ATMIN: variants seen among roughly 807,000 people sequenced by gnomAD.
ATMIN encodes ATM interactor.
Under a neutral mutation model 49.2 loss-of-function variants are expected in ATMIN, and 24 were observed. The observed-to-expected ratio is 0.49, with a 90% CI of 0.35 to 0.69. ATMIN has a LOEUF of 0.69. Among genes scored for constraint, ATMIN ranks in the 30% least tolerant of loss-of-function variants. The pLI is 0.00. For synonymous variants in ATMIN, 450 were observed against 392.5 expected, an observed-to-expected ratio of 1.15 and a Z score of -1.73; for missense variants, 1,037 against 1,005.5, an observed-to-expected ratio of 1.03 and a Z score of -0.42.
Position 81,044,697 on chromosome 16 carries a change from T to C in ATMIN, c.2199T>C (p.Thr733=), listed in dbSNP as rs748817309. Residue 733 remains threonine, a synonymous_variant, in exon 4 of 4, where the codon ACT becomes ACC. Transcript: ENST00000299575. ...AACACTCCAGCTTTTCCGTGAGTAC[T>C]GATTCATCTGACACAGAGACCCAAA... ...ILKHSSFSVS[T]DSSDTETQTE... The C allele has an allele frequency of 4.3e-6, 7 of 1,614,112 alleles. No individual in the cohort carries two copies. The Admixed American group carries it at 8.3e-5, about 19-fold the overall frequency.
At position 81,035,950 on chromosome 16, in the gene ATMIN, C is replaced by T. The variant is rs1307067491; in HGVS notation, c.80C>T (p.Thr27Ile). The change falls in exon 1 of 4, where the codon ACA becomes ATA. Residue 27 changes from threonine to isoleucine, a missense_variant. Physicochemically the swap from Thr to Ile is moderately conservative, Grantham distance 89. Coordinates refer to ENST00000299575, the MANE Select transcript of ATMIN (RefSeq NM_015251.3). ...GCCCGGGCCGTCCCGGCGGCCACGA[C>T]AGGAGCCGCCGCCGCCGCCTCGGGC... ...AGARAVPAAT[T>I]GAAAAASGPW... The T allele has an allele frequency of 8.9e-6, 9 of 1,016,472 alleles. No homozygotes were observed. Among genetic ancestry groups the T allele is most frequent in the Non-Finnish European group, 1.1e-5 (9 of 851,736 alleles). 63.0% of individuals were successfully genotyped at this position (1,016,472 alleles called of 1,614,324 possible).
Position 81,043,880 on chromosome 16 carries a change from C to T in ATMIN, c.1382C>T (p.Thr461Ile), listed in dbSNP as rs147920959. ...VSLPISVHTQ[T>I]FLPSSKVTSS... Reference sequence around the variant, plus strand: ...CTTCCCATTAGTGTTCACACTCAGACATTTTTGCCCAGCTCTAAGGTAACT... The same window carrying T: ...CTTCCCATTAGTGTTCACACTCAGATATTTTTGCCCAGCTCTAAGGTAACT... Residue 461 changes from threonine to isoleucine, a missense_variant, in exon 4 of 4, where the codon ACA becomes ATA. Physicochemically the swap from Thr to Ile is moderately conservative, Grantham distance 89 (BLOSUM62 -1). Coordinates refer to ENST00000299575, the MANE Select transcript of ATMIN (RefSeq NM_015251.3). The T allele has an allele frequency of 4.1e-4, 659 of 1,614,062 alleles. No individual in the cohort carries two copies. Among genetic ancestry groups the T allele is most frequent in the Non-Finnish European group, 5.2e-4 (608 of 1,180,044 alleles).
chr16:81,044,931 C>G lies in ATMIN; in HGVS notation c.2433C>G (p.Thr811=), dbSNP rs1400429985. ...AGTCTCAGTTCAGCTCTGTAGAAAC[C>G]CAGACTTCTGCGGAACCACACACAG... The part of the protein sequence containing the change: ...TMESQFSSVE[T]QTSAEPHTVS... Residue 811 remains threonine (T), a synonymous_variant, in exon 4 of 4, where the codon ACC becomes ACG. Coordinates refer to ENST00000299575, the MANE Select transcript of ATMIN (RefSeq NM_015251.3). The G allele has an allele frequency of 6.2e-7, 1 of 1,613,948 alleles. No individual in the cohort carries two copies. The highest frequency in any genetic ancestry group is 1.1e-5 in the South Asian group (1 of 91,068).
rs1414292993 is a variant in ATMIN at position 81,044,306 on chromosome 16, C to T, written c.1808C>T (p.Pro603Leu). 1.9e-6 allele frequency: 3 copies of T among 1,614,090 alleles called. No individual in the cohort carries two copies. Among genetic ancestry groups the T allele is most frequent in the Non-Finnish European group, 2.5e-6 (3 of 1,179,964 alleles). Residue 603 changes from proline (P) to leucine (L), a missense_variant, in exon 4 of 4, where the codon CCT becomes CTT. Coordinates refer to ENST00000299575, the MANE Select transcript of ATMIN (RefSeq NM_015251.3). ...DLENILSSNL[P>L]AQTLDHRSLL... ...GAAAACATCTTGTCAAGTAATCTGCCTGCTCAGACATTGGATCATCGTAGT... is the reference window on the plus strand; with the variant it reads ...GAAAACATCTTGTCAAGTAATCTGCTTGCTCAGACATTGGATCATCGTAGT...
intron 3 of ATMIN, among the ~76,000 whole-genome samples, chr16:81,042,703 C>T (rs1234435875): frequency 6.6e-6 from 1 of 152,222 alleles, no homozygotes; most frequent in African/African-American, 2.4e-5. Context: ...TGCCAGCCCT[C>T]TTTGAGAGTC....
At position 81,036,024 on chromosome 16, in the gene ATMIN, GC is replaced by G. The variant is rs1380050843; in HGVS notation, c.155del (p.Ala52GlyfsTer17). On this transcript the variant is annotated frameshift_variant, in exon 1 of 4. Transcript: ENST00000299575. LOFTEE classifies it high-confidence loss of function. Reference sequence around the variant, plus strand: ...ACTGAGGGGCAGCCGGCCGCGGCCCGCGGGGGCGACGCAGCAGCCCGCTGTC... The same window carrying G: ...ACTGAGGGGCAGCCGGCCGCGGCCCGGGGGGCGACGCAGCAGCCCGCTGTC... ...PRLRGSRPRP[A>X]GATQQPAVPA... 3 of 1,162,178 alleles carry G rather than the reference GC, an allele frequency of 2.6e-6. No homozygotes were observed. Among genetic ancestry groups the G allele is most frequent in the Non-Finnish European group, 3.2e-6 (3 of 942,564 alleles). 72.0% of individuals were successfully genotyped at this position (1,162,178 alleles called of 1,614,324 possible). A position where few individuals can be genotyped will look rare whatever the true frequency, so the allele number is the denominator to read the frequency against.
rs771380816 is a variant in ATMIN at position 81,047,302 on chromosome 16, CTCAT to C, written c.*2334_*2337del. On this transcript the variant is annotated 3_prime_UTR_variant, in exon 4 of 4. Transcript: ENST00000299575. Reference sequence around the variant, plus strand: ...CTTATTGTATTGCCTTAAGTTTTCACTCATTGTCTTTTGAAAGCCATATGATAAA... The same window carrying C: ...CTTATTGTATTGCCTTAAGTTTTCACTGTCTTTTGAAAGCCATATGATAAA... 6.6e-6 allele frequency: 1 copy of C among 152,174 alleles called. No homozygotes were observed. The highest frequency in any genetic ancestry group is 1.5e-5 in the Non-Finnish European group (1 of 68,026). The allele number at this position is 152,174 out of a possible 1,614,324, so 9.4% of individuals were successfully genotyped here.
rs755135104 is a variant in ATMIN, at chr16:81,043,541, T to G, written c.1043T>G (p.Val348Gly). The G allele has an allele frequency of 6.2e-6, 10 of 1,613,982 alleles. No homozygotes were observed. In the Admixed American group the frequency reaches 1.7e-4, roughly 27 times the overall value. The change falls in exon 4 of 4, where the codon GTA becomes GGA. Residue 348 changes from valine (V) to glycine (G), a missense_variant. Val to Gly is a moderately radical substitution (Grantham distance 109, BLOSUM62 -3). Coordinates refer to ENST00000299575, the MANE Select transcript of ATMIN (RefSeq NM_015251.3). ...GCTGTGCACTTAATGCCCTTGTCAG[T>G]AGGAACCCTGATCCTCGGCCTAGAT... Reference protein sequence around the residue: ...TGAVHLMPLSVGTLILGLDSE... With the variant: ...TGAVHLMPLSGGTLILGLDSE...
rs777108969 is a variant in ATMIN, at chr16:81,043,729, A to G, written c.1231A>G (p.Ile411Val). The G allele has an allele frequency of 5.4e-5, 87 of 1,614,102 alleles. No individual in the cohort carries two copies. Among genetic ancestry groups the G allele is most frequent in the African/African-American group, 1.3e-4 (10 of 74,936 alleles). ...NTCQKNSISS[I>V]NVQTDLSYAS... ...GTGTCAAAAGAATAGCATTTCTTCA[A>G]TCAACGTGCAGACAGATCTGTCTTA... The change falls in exon 4 of 4, where the codon ATC becomes GTC. Residue 411 changes from isoleucine (I) to valine (V), a missense_variant. Transcript: ENST00000299575.
chr16:81,043,710 A>G lies in ATMIN; in HGVS notation c.1212A>G (p.Gln404=), dbSNP rs750242188. ...TACAAGAACTAGGGAACACGTGTCAAAAGAATAGCATTTCTTCAATCAACG... is the reference window on the plus strand; with the variant it reads ...TACAAGAACTAGGGAACACGTGTCAGAAGAATAGCATTTCTTCAATCAACG... The part of the protein sequence containing the change: ...NPLQELGNTC[Q]KNSISSINVQ... The change falls in exon 4 of 4, where the codon CAA becomes CAG. Residue 404 remains glutamine, a synonymous_variant. Coordinates refer to ENST00000299575, the MANE Select transcript of ATMIN (RefSeq NM_015251.3). 20 of 1,614,148 alleles carry G rather than the reference A, an allele frequency of 1.2e-5. No individual in the cohort carries two copies. The Admixed American group carries it at 1.7e-4, about 13-fold the overall frequency.
intron 1 of ATMIN, among the ~76,000 whole-genome samples, chr16:81,039,748 C>A (rs1270767080): frequency 6.6e-6 from 1 of 152,146 alleles, no homozygotes; most frequent in African/African-American, 2.4e-5. Flanking sequence ...TCTTATCAAG[C>A]AACATTTATA....
rs768994313 is a variant in ATMIN at position 81,042,308 on chromosome 16, A to C, written c.490A>C (p.Lys164Gln). The change falls in exon 3 of 4, where the codon AAG (lysine) becomes CAG (glutamine). Residue 164 changes from lysine (K) to glutamine (Q), a missense_variant. Physicochemically the swap from Lys to Gln is moderately conservative, Grantham distance 53. Coordinates refer to ENST00000299575, the MANE Select transcript of ATMIN (RefSeq NM_015251.3). ...QHFMKMHAEK[K>Q]HKCSKCSNSY... is the part of the protein sequence containing the mutation. Reference sequence around the variant, plus strand: ...CTTTATGAAAATGCATGCTGAGAAGAAGCACAAATGTAGTAAGTGCAGCAA... The same window carrying C: ...CTTTATGAAAATGCATGCTGAGAAGCAGCACAAATGTAGTAAGTGCAGCAA... 1 of 1,613,728 alleles carries C rather than the reference A, an allele frequency of 6.2e-7. No homozygotes were observed. Among genetic ancestry groups the C allele is most frequent in the East Asian group, 2.2e-5 (1 of 44,886 alleles).
At chr16:81,041,327 A>T in intron 1 of ATMIN, 29 bp from the exon 2 acceptor site, 1 of 1,584,436 alleles carries the variant, frequency 6.3e-7, no homozygotes, top group Non-Finnish European at 8.5e-7. Flanking sequence ...TTTTTGAAAT[A>T]ATAATTTAAA....
chr16:81,044,443 A>G lies in ATMIN; in HGVS notation c.1945A>G (p.Thr649Ala). 1 of 1,614,124 alleles carries G rather than the reference A, an allele frequency of 6.2e-7. No individual in the cohort carries two copies. Among genetic ancestry groups the G allele is most frequent in the Non-Finnish European group, 8.5e-7 (1 of 1,180,024 alleles). The change falls in exon 4 of 4, where the codon ACT (threonine) becomes GCT (alanine). Residue 649 changes from threonine to alanine, a missense_variant. Coordinates refer to ENST00000299575, the MANE Select transcript of ATMIN (RefSeq NM_015251.3). ...EEFFSASNIQ[T>A]QTEESELSTM... Reference sequence around the variant, plus strand: ...GTTCTTTTCGGCCTCAAATATCCAGACTCAAACTGAAGAGAGTGAACTTAG... The same window carrying G: ...GTTCTTTTCGGCCTCAAATATCCAGGCTCAAACTGAAGAGAGTGAACTTAG...
intron 1 of ATMIN, among the ~76,000 whole-genome samples, chr16:81,036,520 C>T (rs1597122313): frequency 6.6e-6 from 1 of 152,206 alleles, no homozygotes; most frequent in Non-Finnish European, 1.5e-5. Flanking sequence ...ACTTTTTTGC[C>T]TGTGAGTTCT....
intron 1 of ATMIN, among the ~76,000 whole-genome samples, chr16:81,036,501 G>T (rs1970937237): frequency 6.6e-6 from 1 of 152,266 alleles, no homozygotes; most frequent in African/African-American, 2.4e-5. Flanking sequence ...GCCGGCCCAG[G>T]CTTTTTACAC....
chr16:81,043,836 G>A lies in ATMIN; in HGVS notation c.1338G>A (p.Ser446=), dbSNP rs371161001. 1.1e-4 allele frequency: 184 copies of A among 1,614,044 alleles called. No homozygotes were observed. The highest frequency in any genetic ancestry group is 2.5e-4 in the Admixed American group (15 of 60,006). The change falls in exon 4 of 4, where the codon TCG becomes TCA. Residue 446 remains serine (S), a synonymous_variant. Transcript: ENST00000299575. ...SVSSCSQTDL[S]FDSQVSLPIS... is the part of the protein sequence containing the mutation. The stretch of plus-strand genomic sequence containing the variant: ...CGTCTTGTTCTCAAACTGATTTGTC[G>A]TTTGATTCTCAAGTGTCTCTTCCCA...
At chr16:81,037,002 A>T (rs142521626) in intron 1 of ATMIN, among the ~76,000 whole-genome samples, 3 of 152,346 alleles carry the variant, frequency 2.0e-5, no homozygotes, top group Non-Finnish European at 4.4e-5. Context: ...AGAGGGGGAC[A>T]CAGTAAATAC....
In ATMIN at chr16:81,036,079, A is replaced by G. The variant is rs753373001; in HGVS notation, c.209A>G (p.Gln70Arg). The change falls in exon 1 of 4, where the codon CAG (glutamine) becomes CGG (arginine). Residue 70 changes from glutamine to arginine, a missense_variant. By Grantham distance (43) the Gln-to-Arg change is conservative (BLOSUM62 1). Coordinates refer to ENST00000299575, the MANE Select transcript of ATMIN (RefSeq NM_015251.3). ...VPAPPAGELI[Q>R]PSVSELSRAV... ...GCGCCGCCGGCGGGGGAGCTGATCC[A>G]GCCGTCGGTGAGCGAGCTGTCCCGG... 5 of 1,338,882 alleles carry G rather than the reference A, an allele frequency of 3.7e-6. No individual in the cohort carries two copies. In the South Asian group the frequency reaches 5.7e-5, roughly 15 times the overall value. 82.9% of individuals were successfully genotyped at this position (1,338,882 alleles called of 1,614,324 possible). A position where few individuals can be genotyped will look rare whatever the true frequency, so the allele number is the denominator to read the frequency against.
Sources: allele counts gnomAD v4.1 joint callset (sites outside exome capture counted in the v4.1 genomes callset), GRCh38; gene constraint gnomAD v4.1.1; transcripts MANE v1.5; gene names NCBI Gene and HGNC (gene_info 2026-07-23, HGNC 2026-07-21).